INSC: variants seen among roughly 807,000 people sequenced by gnomAD.
INSC encodes INSC spindle orientation adaptor protein.
In INSC, 67 loss-of-function variants were observed where a neutral mutation model predicts 58.6. That is an observed-to-expected ratio of 1.14 (90% confidence interval 0.94 to 1.40). The LOEUF (loss-of-function observed/expected upper bound fraction) is 1.40, where lower values mean the gene tolerates loss of function less well. Among genes scored for constraint, INSC ranks in the 40% most tolerant of loss-of-function variants. The probability of loss-of-function intolerance (pLI) is 0.00; values close to 1 mark genes in which losing one functional copy is unlikely to be tolerated. For missense variants in INSC, 714 were observed against 692.0 expected (o/e 1.03, Z -0.36); for synonymous variants, 262 against 276.1 (o/e 0.95, Z 0.51).
At chr11:15,244,017 C>T (rs533960569) in intron 12 of INSC, among the ~76,000 whole-genome samples, 1 of 151,260 alleles carries the variant, frequency 6.6e-6, no homozygotes, top group African/African-American at 2.4e-5. Flanking sequence ...TGTTTCTTGG[C>T]TATTTCCCTT....
intron 7 of INSC, among the ~76,000 whole-genome samples, chr11:15,201,286 C>T (rs1220348621): frequency 2.0e-5 from 3 of 152,082 alleles, no homozygotes; most frequent in Non-Finnish European, 4.4e-5. Context: ...GTGGTTGATT[C>T]TTCACCCACA....
At chr11:15,255,126 C>G in the INSC span, among the ~76,000 whole-genome samples, 4 of 152,172 alleles carry the variant, frequency 2.6e-5, no homozygotes. Flanking sequence ...CAAACACTTT[C>G]TGAAACCAAA....
chr11:15,144,368 G>A (rs1259569634), intron 1 of INSC, among the ~76,000 whole-genome samples: 1 of 152,206 alleles, frequency 6.6e-6, no homozygotes, highest in Non-Finnish European at 1.5e-5. Context: ...CCCCAGTAAA[G>A]CAGTGCTCTC....
At chr11:15,123,626 C>A (rs554469745) in intron 1 of INSC, among the ~76,000 whole-genome samples, 6 of 152,060 alleles carry the variant, frequency 3.9e-5, no homozygotes, top group Non-Finnish European at 7.4e-5. Flanking sequence ...CACTAAGGAG[C>A]TTTTGGGAGG....
At chr11:15,138,533 T>C (rs182247363) in intron 1 of INSC, among the ~76,000 whole-genome samples, 10 of 152,310 alleles carry the variant, frequency 6.6e-5, no homozygotes, top group Admixed American at 2.0e-4. Context: ...TTAAATCATA[T>C]CTCTTCTATG....
chr11:15,170,495 C>CT (rs1564882337), intron 2 of INSC, among the ~76,000 whole-genome samples: 1 of 152,070 alleles, frequency 6.6e-6, no homozygotes, highest in Non-Finnish European at 1.5e-5. Context: ...ACTGAGGCTA[C>CT]GTGTCCTAGG....
chr11:15,126,108 T>C lies in INSC; in HGVS notation c.-46+11105T>C, dbSNP rs914887587. On this transcript the variant is annotated intron_variant, in intron 1 of 12. Coordinates refer to ENST00000379556, the MANE Select transcript of INSC (RefSeq NM_001042536.3). ...GAGTTCACATCTGAGTTGAGAGAGT[T>C]TGGGGAGACACAGGTTTTCAAGGAG... Among the ~76,000 whole-genome samples the C allele has an allele frequency of 4.6e-5, 7 of 151,994 alleles. No homozygotes were observed. The East Asian group carries it at 1.2e-3, about 25-fold the overall frequency.
At chr11:15,237,694 G>C (rs1345547095) in intron 10 of INSC, among the ~76,000 whole-genome samples, 1 of 152,166 alleles carries the variant, frequency 6.6e-6, no homozygotes, top group Non-Finnish European at 1.5e-5. Flanking sequence ...CTAAATAACA[G>C]GTTGCAAACT....
chr11:15,169,161 G>T (rs538380430), intron 2 of INSC, among the ~76,000 whole-genome samples: 21 of 149,670 alleles, frequency 1.4e-4, no homozygotes, highest in Non-Finnish European at 2.8e-4. Context: ...AAGGAGCAGG[G>T]TCATTATGAG....
rs1010306230 is a variant in INSC at position 15,175,845 on chromosome 11, T to C, written c.161T>C (p.Leu54Pro). ...MCVLQAKPIS[L>P]EEDAQGDLIL... ...GTCCTGCAGGCCAAGCCCATCAGCCTGGAAGAGGATGCACAGGGTGACCTC... is the reference window on the plus strand; with the variant it reads ...GTCCTGCAGGCCAAGCCCATCAGCCCGGAAGAGGATGCACAGGGTGACCTC... Residue 54 changes from leucine (L) to proline (P), a missense_variant, in exon 3 of 13, where the codon CTG (leucine) becomes CCG (proline). By Grantham distance (98) the Leu-to-Pro change is moderately conservative (BLOSUM62 -3). Transcript: ENST00000379556. 1 of 1,613,508 alleles carries C rather than the reference T, an allele frequency of 6.2e-7. No homozygotes were observed. Among genetic ancestry groups the C allele is most frequent in the African/African-American group, 1.3e-5 (1 of 75,042 alleles).
chr11:15,151,602 G>T (rs1848651917), intron 2 of INSC, among the ~76,000 whole-genome samples: 1 of 133,020 alleles, frequency 7.5e-6, no homozygotes, highest in Non-Finnish European at 1.7e-5. Flanking sequence ...TTCCATCTGG[G>T]ATGCTGATCT....
chr11:15,174,625 T>C (rs1849512763), intron 2 of INSC, among the ~76,000 whole-genome samples: 2 of 152,228 alleles, frequency 1.3e-5, no homozygotes, highest in Non-Finnish European at 1.5e-5. Context: ...CAGAATACTG[T>C]TACAAGCCAA....
the INSC span, among the ~76,000 whole-genome samples, chr11:15,254,710 C>T: frequency 1.3e-5 from 2 of 152,162 alleles, no homozygotes; most frequent in African/African-American, 2.4e-5. Flanking sequence ...AACCACATCC[C>T]ACCTTTGCAT....
chr11:15,126,526 G>A (rs1262116318), intron 1 of INSC, among the ~76,000 whole-genome samples: 2 of 152,190 alleles, frequency 1.3e-5, no homozygotes, highest in East Asian at 1.9e-4. Flanking sequence ...TAGATTCAGA[G>A]CAGGAGCTCA....
downstream of INSC, among the ~76,000 whole-genome samples, chr11:15,248,291 T>C (rs1312609832): frequency 1.3e-5 from 2 of 152,226 alleles, no homozygotes; most frequent in African/African-American, 4.8e-5. Flanking sequence ...CAGTGAAGAA[T>C]ACAATAACTG....
At chr11:15,152,844 T>A (rs570401201) in intron 2 of INSC, among the ~76,000 whole-genome samples, 1 of 152,158 alleles carries the variant, frequency 6.6e-6, no homozygotes, top group Non-Finnish European at 1.5e-5. Flanking sequence ...CACATCACAA[T>A]GTCTATCTCA....
chr11:15,133,515 A>G (rs951903210), intron 1 of INSC, among the ~76,000 whole-genome samples: 1 of 152,106 alleles, frequency 6.6e-6, no homozygotes, highest in Non-Finnish European at 1.5e-5. Flanking sequence ...TTAATTCTCA[A>G]CTCTCATTGT....
chr11:15,181,370 C>T (rs1314593947), intron 5 of INSC, among the ~76,000 whole-genome samples: 4 of 152,216 alleles, frequency 2.6e-5, no homozygotes, highest in African/African-American at 9.6e-5. Context: ...ATTCTTTTAG[C>T]ACTAAGAAGT....
chr11:15,164,906 T>C (rs1849142706), intron 2 of INSC, among the ~76,000 whole-genome samples: 1 of 152,178 alleles, frequency 6.6e-6, no homozygotes, highest in African/African-American at 2.4e-5. Flanking sequence ...CTGCCACCAG[T>C]TAAGATGTGC....
Sources: gnomAD v4.1 joint callset for allele counts (sites outside exome capture counted in the v4.1 genomes callset) on GRCh38, gnomAD v4.1.1 for gene constraint, MANE v1.5 for transcripts, NCBI Gene and HGNC (gene_info 2026-07-23, HGNC 2026-07-21) for gene names.